Variants in DPYD observed in about 807,000 individuals in gnomAD.
The protein encoded by DPYD is dihydropyrimidine dehydrogenase.
In DPYD, 109 loss-of-function variants were observed where a neutral mutation model predicts 116.2. The observed-to-expected ratio is 0.94, with a 90% CI of 0.80 to 1.10. The LOEUF is 1.10. DPYD is among the 50% of genes least tolerant of loss of function. DPYD has a pLI of 0.00. For missense variants in DPYD, 1,302 were observed against 1,254.5 expected (o/e 1.04, Z -0.57); for synonymous variants, 440 against 432.0 (o/e 1.02, Z -0.23).
intron 13 of DPYD, among the ~76,000 whole-genome samples, chr1:97,458,084 C>A (rs929540140): frequency 6.6e-6 from 1 of 152,128 alleles, no homozygotes; most frequent in African/African-American, 2.4e-5. Flanking sequence ...ATGTGATATG[C>A]TTTGAAGAAA....
chr1:97,485,912 C>T (rs942333605), intron 13 of DPYD, among the ~76,000 whole-genome samples: 1 of 152,016 alleles, frequency 6.6e-6, no homozygotes, highest in African/African-American at 2.4e-5. Context: ...TGCATATATA[C>T]TGTAGTTTTA....
chr1:97,732,282 C>T (rs1663663595), intron 4 of DPYD, among the ~76,000 whole-genome samples: 1 of 151,908 alleles, frequency 6.6e-6, no homozygotes, highest in Admixed American at 6.6e-5. Context: ...GGAGACCATC[C>T]TAGCTAACAC....
intron 13 of DPYD, among the ~76,000 whole-genome samples, chr1:97,454,636 A>G (rs1676588281): frequency 6.6e-6 from 1 of 151,950 alleles, no homozygotes; most frequent in Non-Finnish European, 1.5e-5. Flanking sequence ...AACATCAAGT[A>G]TTAGTGACCT....
rs1213682490 is a variant in DPYD at position 97,601,847 on chromosome 1, TC to T, written c.851-6682del. Among the ~76,000 whole-genome samples, 12 of 152,112 alleles carry T rather than the reference TC, an allele frequency of 7.9e-5. No individual in the cohort carries two copies. In the Middle Eastern group the frequency reaches 0.014, roughly 174 times the overall value. On this transcript the variant is annotated intron_variant, in intron 8 of 22. Coordinates refer to ENST00000370192, the MANE Select transcript of DPYD (RefSeq NM_000110.4). The stretch of plus-strand genomic sequence containing the variant: ...AGAATGCAGAAAAAAATGGAGTGAT[TC>T]AATATAACACATATGAAATTAGATC...
At chr1:97,640,443 G>T (rs1262952038) in intron 8 of DPYD, among the ~76,000 whole-genome samples, 1 of 152,036 alleles carries the variant, frequency 6.6e-6, no homozygotes, top group Non-Finnish European at 1.5e-5. Context: ...TGCGTAACTG[G>T]GATTAGAGGC....
At chr1:97,693,190 C>T (rs1159217913) in intron 6 of DPYD, among the ~76,000 whole-genome samples, 2 of 145,836 alleles carry the variant, frequency 1.4e-5, no homozygotes, top group Non-Finnish European at 3.0e-5. Flanking sequence ...ACTTGGAAGG[C>T]TGAGGCAGGA....
At chr1:97,282,411 T>G (rs2100939375) in intron 18 of DPYD, among the ~76,000 whole-genome samples, 1 of 152,256 alleles carries the variant, frequency 6.6e-6, no homozygotes, top group African/African-American at 2.4e-5. Context: ...TTCTCTTTTT[T>G]TCAGAGATGC....
chr1:97,731,238 C>A (rs1663591228), intron 4 of DPYD, among the ~76,000 whole-genome samples: 1 of 151,906 alleles, frequency 6.6e-6, no homozygotes, highest in African/African-American at 2.4e-5. Context: ...CCTTAATTGA[C>A]AGACTGTTGT....
intron 19 of DPYD, among the ~76,000 whole-genome samples, chr1:97,233,109 T>C (rs1042919454): frequency 5.3e-5 from 8 of 152,122 alleles, no homozygotes; most frequent in African/African-American, 1.9e-4. Context: ...GAAGCCCAGG[T>C]ATCTTACTTG....
intron 20 of DPYD, among the ~76,000 whole-genome samples, chr1:97,133,859 T>C (rs931769178): frequency 2.7e-5 from 4 of 150,308 alleles, no homozygotes; most frequent in Non-Finnish European, 5.9e-5. Context: ...ATTAGCCAGG[T>C]GTTACGGCAT....
At chr1:97,091,452 GC>G (rs1399004011) in intron 21 of DPYD, among the ~76,000 whole-genome samples, 1 of 152,160 alleles carries the variant, frequency 6.6e-6, no homozygotes, top group Non-Finnish European at 1.5e-5. Flanking sequence ...TACATGGCGT[GC>G]CTGGGTGTGT....
In DPYD at chr1:97,672,594, G is replaced by T. The variant is rs1015329109; in HGVS notation, c.850+6501C>A. On this transcript the variant is annotated intron_variant, in intron 8 of 22. Coordinates refer to ENST00000370192, the MANE Select transcript of DPYD (RefSeq NM_000110.4). The stretch of plus-strand genomic sequence containing the variant: ...TATTTTTTAAAATAATCTATTCATA[G>T]TTGTGGATAGTGACTAAACAATTTA... Among the ~76,000 whole-genome samples the T allele has an allele frequency of 6.6e-5, 10 of 152,294 alleles. No homozygotes were observed. In the East Asian group the frequency reaches 1.9e-3, roughly 29 times the overall value.
intron 4 of DPYD, among the ~76,000 whole-genome samples, chr1:97,729,561 T>C (rs971693831): frequency 1.3e-5 from 2 of 152,032 alleles, no homozygotes; most frequent in East Asian, 1.9e-4. Context: ...AAATATTCCA[T>C]GTTAGGAAGT....
At chr1:97,370,755 T>C (rs1671273967) in intron 16 of DPYD, among the ~76,000 whole-genome samples, 2 of 152,160 alleles carry the variant, frequency 1.3e-5, no homozygotes, top group African/African-American at 4.8e-5. Context: ...TCAAATCCCA[T>C]ATTTTAGAGA....
At chr1:97,623,378 G>A (rs1308558995) in intron 8 of DPYD, among the ~76,000 whole-genome samples, 2 of 152,058 alleles carry the variant, frequency 1.3e-5, no homozygotes, top group East Asian at 3.9e-4. Flanking sequence ...CTTATGGAAA[G>A]TAAAAAGGAT....
At chr1:97,170,321 C>G (rs960613022) in intron 20 of DPYD, among the ~76,000 whole-genome samples, 2 of 152,272 alleles carry the variant, frequency 1.3e-5, no homozygotes, top group Middle Eastern at 3.4e-3. Context: ...GCCTGGTACC[C>G]TGGACAGTAA....
chr1:97,307,617 T>C (rs1044853082), intron 16 of DPYD, among the ~76,000 whole-genome samples: 1 of 151,922 alleles, frequency 6.6e-6, no homozygotes, highest in African/African-American at 2.4e-5. Flanking sequence ...TTGGCTTGGC[T>C]TATTCTCTTT....
chr1:97,295,827 GTGTGAAGATTA>G, intron 18 of DPYD: 3 of 878,922 alleles, frequency 3.4e-6, no homozygotes, highest in Non-Finnish European at 4.1e-6. Flanking sequence ...TCATAAAGTT[GTGTGAAGATTA>G]AGTGAAATAT....
chr1:97,287,263 T>C (rs1665758639), intron 18 of DPYD, among the ~76,000 whole-genome samples: 1 of 152,296 alleles, frequency 6.6e-6, no homozygotes, highest in Middle Eastern at 3.4e-3. Flanking sequence ...CCACGAATGC[T>C]GCTGTCTGAT....
Sources: allele counts gnomAD v4.1 joint callset (sites outside exome capture counted in the v4.1 genomes callset), GRCh38; gene constraint gnomAD v4.1.1; transcripts MANE v1.5; gene names NCBI Gene and HGNC (gene_info 2026-07-23, HGNC 2026-07-21).